SUMF1: variants seen among roughly 807,000 people sequenced by gnomAD.
SUMF1 encodes the protein formylglycine-generating enzyme.
SUMF1 carries 48 observed loss-of-function variants against 47.6 expected under a neutral mutation model. The observed-to-expected ratio is 1.01, with a 90% CI of 0.80 to 1.28. The LOEUF is 1.28. SUMF1 is among the 50% of genes most tolerant of loss of function. The pLI, the probability that SUMF1 is intolerant of heterozygous loss-of-function variation, is 0.00. For synonymous variants in SUMF1, 230 were observed against 192.1 expected, an observed-to-expected ratio of 1.20 and a Z score of -1.63; for missense variants, 571 against 485.4, an observed-to-expected ratio of 1.18 and a Z score of -1.66.
At chr3:4,075,717 A>T (rs1266502416) in intron 8 of SUMF1, among the ~76,000 whole-genome samples, 1 of 152,142 alleles carries the variant, frequency 6.6e-6, no homozygotes, top group Admixed American at 6.5e-5. Flanking sequence ...GAGACAAATC[A>T]TGAGTGAACT....
chr3:4,099,481 A>G (rs1027635208), intron 8 of SUMF1, among the ~76,000 whole-genome samples: 16 of 152,162 alleles, frequency 1.1e-4, no homozygotes, highest in Non-Finnish European at 1.8e-4. Flanking sequence ...AAGGCTATAT[A>G]TGACAAGCCT....
At chr3:4,159,007 G>C (rs1473954101) in intron 8 of SUMF1, among the ~76,000 whole-genome samples, 1 of 151,476 alleles carries the variant, frequency 6.6e-6, no homozygotes, top group Admixed American at 6.6e-5. Context: ...GTATTGTACT[G>C]TCTGTGTCTT....
At chr3:4,354,203 C>G (rs1054928122) in intron 8 of SUMF1, among the ~76,000 whole-genome samples, 1 of 152,096 alleles carries the variant, frequency 6.6e-6, no homozygotes, top group African/African-American at 2.4e-5. Context: ...GAATTAAAAT[C>G]CTGAACCAGT....
In SUMF1 at chr3:4,405,438, G is replaced by A. The variant is rs114093007; in HGVS notation, c.954+5427C>T. Among the ~76,000 whole-genome samples the A allele has an allele frequency of 6.0e-3, 911 of 152,268 alleles. 5 individuals are homozygous for A. Among genetic ancestry groups the A allele is most frequent in the Non-Finnish European group, 9.2e-3 (628 of 68,014 alleles). On this transcript the variant is annotated intron_variant, in intron 7 of 8. Coordinates refer to ENST00000272902, the MANE Select transcript of SUMF1 (RefSeq NM_182760.4). ...GTCTGGCTCTGTCACCAAGGCTAGA[G>A]GGCAGTGGTGTGATCTCAGCTCACT...
chr3:4,453,989 T>C (rs1265514949), intron 1 of SUMF1, among the ~76,000 whole-genome samples: 1 of 152,142 alleles, frequency 6.6e-6, no homozygotes, highest in Non-Finnish European at 1.5e-5. Flanking sequence ...ACATTTTTTA[T>C]TCGCATATGC....
intron 8 of SUMF1, among the ~76,000 whole-genome samples, chr3:4,233,340 T>C (rs1435135807): frequency 6.6e-6 from 1 of 152,292 alleles, no homozygotes; most frequent in Middle Eastern, 3.4e-3. Flanking sequence ...GTATATGTTA[T>C]AGCAATAACA....
intron 8 of SUMF1, among the ~76,000 whole-genome samples, chr3:4,092,622 A>G (rs562016740): frequency 5.5e-4 from 84 of 152,286 alleles, no homozygotes; most frequent in Non-Finnish European, 1.1e-3. Flanking sequence ...GACTCATACA[A>G]GAAAAACAAC....
chr3:4,090,189 C>G (rs1224287407), intron 8 of SUMF1, among the ~76,000 whole-genome samples: 1 of 152,072 alleles, frequency 6.6e-6, no homozygotes. Flanking sequence ...TCGAATAATG[C>G]TGCTTCATTC....
At chr3:4,323,929 C>T (rs573335846) in intron 8 of SUMF1, among the ~76,000 whole-genome samples, 72 of 152,260 alleles carry the variant, frequency 4.7e-4, no homozygotes, top group Admixed American at 1.2e-3. Context: ...TAACAATGTA[C>T]AGTTTTCAAT....
At chr3:4,279,620 A>G (rs1488344258) in intron 8 of SUMF1, among the ~76,000 whole-genome samples, 1 of 152,094 alleles carries the variant, frequency 6.6e-6, no homozygotes, top group Non-Finnish European at 1.5e-5. Context: ...GTGGGAGGTG[A>G]AGGTTCATCA....
chr3:4,056,692 T>C (rs1695196809), intron 9 of SUMF1, among the ~76,000 whole-genome samples: 1 of 152,058 alleles, frequency 6.6e-6, no homozygotes, highest in Non-Finnish European at 1.5e-5. Context: ...CTCTGGGTAA[T>C]AGAATTATGT....
At chr3:4,434,632 A>G (rs1327004861) in intron 3 of SUMF1, among the ~76,000 whole-genome samples, 1 of 152,214 alleles carries the variant, frequency 6.6e-6, no homozygotes, top group East Asian at 1.9e-4. Context: ...GGTCTTTGTA[A>G]CAGCTCTATG....
At chr3:4,264,514 A>T (rs894427221) in intron 8 of SUMF1, among the ~76,000 whole-genome samples, 8 of 151,976 alleles carry the variant, frequency 5.3e-5, no homozygotes, top group Non-Finnish European at 1.2e-4. Context: ...CTTTTTTTTT[A>T]TACACGACAA....
intron 8 of SUMF1, among the ~76,000 whole-genome samples, chr3:4,273,360 T>C (rs1697341184): frequency 6.6e-6 from 1 of 152,144 alleles, no homozygotes; most frequent in African/African-American, 2.4e-5. Context: ...AACAAAGTAC[T>C]GATACATGCT....
At chr3:4,120,350 A>T (rs12108011) in intron 8 of SUMF1, among the ~76,000 whole-genome samples, 4,448 of 152,254 alleles carry the variant, frequency 0.029, 233 homozygotes, top group African/African-American at 0.1. Flanking sequence ...GTTTTCTGAA[A>T]GCTTGTTAGA....
At chr3:4,214,296 C>G (rs1002762956) in intron 8 of SUMF1, among the ~76,000 whole-genome samples, 7 of 152,152 alleles carry the variant, frequency 4.6e-5, no homozygotes, top group African/African-American at 1.4e-4. Flanking sequence ...TAACAACCTG[C>G]TCCCAAATGA....
At chr3:4,411,839 T>C (rs185134817) in intron 6 of SUMF1, among the ~76,000 whole-genome samples, 7 of 152,146 alleles carry the variant, frequency 4.6e-5, no homozygotes, top group African/African-American at 1.7e-4. Context: ...ATTTTTAAAA[T>C]GAAAAAAATA....
At position 4,253,926 on chromosome 3, in the gene SUMF1, A is replaced by C. The variant is rs887269211; in HGVS notation, c.1014+122404T>G. 1.7e-4 allele frequency among the ~76,000 whole-genome samples: 26 copies of C among 150,552 alleles called. 1 individual carries two copies. The South Asian group carries it at 4.9e-3, about 28-fold the overall frequency. ...CGCAGCTGGAGATCTGAGAACTGGCAGACTGCCTCCTCAAGTGGGTCCCTG... is the reference window on the plus strand; with the variant it reads ...CGCAGCTGGAGATCTGAGAACTGGCCGACTGCCTCCTCAAGTGGGTCCCTG... On this transcript the variant is annotated intron_variant and NMD_transcript_variant, in intron 8 of 12. Transcript: ENST00000448413.
intron 8 of SUMF1, among the ~76,000 whole-genome samples, chr3:4,101,847 T>C (rs891647532): frequency 6.6e-6 from 1 of 152,158 alleles, no homozygotes; most frequent in African/African-American, 2.4e-5. Flanking sequence ...AAGAACTACC[T>C]GAGACTGGGT....
Sources: allele counts gnomAD v4.1 joint callset (sites outside exome capture counted in the v4.1 genomes callset), GRCh38; gene constraint gnomAD v4.1.1; transcripts MANE v1.5; gene names NCBI Gene and HGNC (gene_info 2026-07-23, HGNC 2026-07-21).